Variants in MOB1B observed in about 807,000 individuals in gnomAD.
MOB1B encodes MOB1 Mps One Binder homolog B.
In MOB1B, 19 loss-of-function variants were observed where a neutral mutation model predicts 24.4. That is an observed-to-expected ratio of 0.78 (90% CI 0.54 to 1.14). The LOEUF (loss-of-function observed/expected upper bound fraction) is 1.14. Ranked by LOEUF, MOB1B falls within the 50% of genes most tolerant of loss-of-function variation. MOB1B has a pLI of 0.00. For synonymous variants in MOB1B, 76 were observed against 82.1 expected, an observed-to-expected ratio of 0.93 and a Z score of 0.40; for missense variants, 243 against 259.6, an observed-to-expected ratio of 0.94 and a Z score of 0.44.
intron 1 of MOB1B, among the ~76,000 whole-genome samples, chr4:70,911,453 G>A (rs1678982173): frequency 6.6e-6 from 1 of 151,414 alleles, no homozygotes; most frequent in African/African-American, 2.4e-5. Context: ...TTAATATGTT[G>A]TATTTTTGAG....
chr4:70,957,055 G>A (rs1738088905), intron 1 of MOB1B, among the ~76,000 whole-genome samples: 1 of 150,740 alleles, frequency 6.6e-6, no homozygotes, highest in Non-Finnish European at 1.5e-5. Context: ...AGGAGGTAGA[G>A]TGAAAAGCTT....
chr4:70,963,647 C>CG (rs1401003839), intron 2 of MOB1B, among the ~76,000 whole-genome samples: 1 of 151,576 alleles, frequency 6.6e-6, no homozygotes, highest in Admixed American at 6.6e-5. Context: ...TGGCAAATCT[C>CG]CATCTCTACC....
chr4:70,918,148 TC>T (rs1377527414), intron 1 of MOB1B, among the ~76,000 whole-genome samples: 1 of 152,194 alleles, frequency 6.6e-6, no homozygotes, highest in Non-Finnish European at 1.5e-5. Flanking sequence ...TTACCTTTTT[TC>T]TAGATGTTTT....
chr4:70,916,591 A>G (rs1736205529), intron 1 of MOB1B, among the ~76,000 whole-genome samples: 1 of 151,734 alleles, frequency 6.6e-6, no homozygotes, highest in East Asian at 1.9e-4. Flanking sequence ...TTTTTGAGAC[A>G]GAGTCTTGCT....
At position 70,946,839 on chromosome 4, in the gene MOB1B, G is replaced by A. The variant is rs554849250; in HGVS notation, c.15-12035G>A. Among the ~76,000 whole-genome samples the A allele has an allele frequency of 6.8e-4, 103 of 152,164 alleles. 1 individual carries two copies. Among genetic ancestry groups the A allele is most frequent in the African/African-American group, 2.4e-3 (99 of 41,504 alleles). On this transcript the variant is annotated intron_variant, in intron 1 of 5. Coordinates refer to ENST00000309395, the MANE Select transcript of MOB1B (RefSeq NM_173468.4). ...AAGGGGAAGGAAAAAAAAGGAGGGA[G>A]GGTAGGCAGTGAGGCAAGTGGTTAC...
At chr4:70,913,874 C>T (rs1736096441) in intron 1 of MOB1B, among the ~76,000 whole-genome samples, 1 of 149,512 alleles carries the variant, frequency 6.7e-6, no homozygotes, top group South Asian at 2.1e-4. Flanking sequence ...GTCATTGCTT[C>T]TAAATTTATT....
At chr4:70,904,129 CG>C (rs1735641293) in intron 1 of MOB1B, among the ~76,000 whole-genome samples, 1 of 151,168 alleles carries the variant, frequency 6.6e-6, no homozygotes, top group African/African-American at 2.4e-5. Context: ...ACTACAGGCC[CG>C]CGCCACCACG....
intron 1 of MOB1B, among the ~76,000 whole-genome samples, chr4:70,924,045 A>C (rs1009086374): frequency 6.6e-6 from 1 of 152,090 alleles, no homozygotes; most frequent in Non-Finnish European, 1.5e-5. Flanking sequence ...TTTAGTAGAA[A>C]CAATGGGGGA....
chr4:70,926,111 G>A (rs1249209608), intron 1 of MOB1B, among the ~76,000 whole-genome samples: 5 of 152,042 alleles, frequency 3.3e-5, no homozygotes, highest in Non-Finnish European at 7.4e-5. Flanking sequence ...TCAGCTTCCT[G>A]AGTAGCCGGG....
chr4:70,934,907 A>C (rs1294371622), intron 1 of MOB1B, among the ~76,000 whole-genome samples: 1 of 151,732 alleles, frequency 6.6e-6, no homozygotes, highest in Non-Finnish European at 1.5e-5. Flanking sequence ...TTATAATTAA[A>C]AAAATTATTT....
intron 1 of MOB1B, among the ~76,000 whole-genome samples, chr4:70,917,506 A>C (rs1736240876): frequency 6.6e-6 from 1 of 152,150 alleles, no homozygotes; most frequent in Non-Finnish European, 1.5e-5. Flanking sequence ...CACAGTTCCA[A>C]AAGTATGGAG....
intron 1 of MOB1B, among the ~76,000 whole-genome samples, chr4:70,934,404 A>T: frequency 6.6e-6 from 1 of 151,650 alleles, no homozygotes; most frequent in Non-Finnish European, 1.5e-5. Flanking sequence ...CCAACTTTTC[A>T]ATATATATTA....
intron 1 of MOB1B, among the ~76,000 whole-genome samples, chr4:70,933,542 C>CTTTTT (rs34950388): frequency 7.6e-5 from 7 of 91,616 alleles, no homozygotes; most frequent in Non-Finnish European, 1.1e-4. Flanking sequence ...AAAAATAACT[C>CTTTTT]TTTTTTTTTT....
chr4:70,903,284 A>C (rs1735594740), intron 1 of MOB1B, among the ~76,000 whole-genome samples: 1 of 152,202 alleles, frequency 6.6e-6, no homozygotes, highest in Non-Finnish European at 1.5e-5. Flanking sequence ...GATTAGGTCC[A>C]CTGGGGAGTT....
chr4:70,914,112 C>G (rs1317428699), intron 1 of MOB1B, among the ~76,000 whole-genome samples: 1 of 152,166 alleles, frequency 6.6e-6, no homozygotes, highest in Non-Finnish European at 1.5e-5. Context: ...ATGTTAGCCT[C>G]TTTGCCCTTC....
intron 1 of MOB1B, among the ~76,000 whole-genome samples, chr4:70,909,732 C>CT (rs567783255): frequency 0.03 from 4,365 of 145,404 alleles, 205 homozygotes; most frequent in African/African-American, 0.099. Flanking sequence ...TCTTATACTT[C>CT]TTTTTTTTTT....
At chr4:70,937,992 T>C (rs1293354963) in intron 1 of MOB1B, among the ~76,000 whole-genome samples, 1 of 152,146 alleles carries the variant, frequency 6.6e-6, no homozygotes, top group Admixed American at 6.5e-5. Flanking sequence ...AAGCATTCTT[T>C]TTTTCCTATC....
chr4:70,967,819 T>C (rs1296612788), intron 2 of MOB1B, among the ~76,000 whole-genome samples: 1 of 152,170 alleles, frequency 6.6e-6, no homozygotes, highest in Non-Finnish European at 1.5e-5. Context: ...TTTGTTCTCT[T>C]TTTTTAAAAT....
In MOB1B at chr4:70,987,860, CAAG is replaced by C. The variant is rs564766549; in HGVS notation, c.*5804_*5806del. Reference sequence around the variant, plus strand: ...ATGGAGACAGTTTCTCTCTTATAATCAAGTAACTAGAAGGGGAAAAATCATCTA... The same window carrying C: ...ATGGAGACAGTTTCTCTCTTATAATCTAACTAGAAGGGGAAAAATCATCTA... On this transcript the variant is annotated 3_prime_UTR_variant, in exon 6 of 6. Coordinates refer to ENST00000309395, the MANE Select transcript of MOB1B (RefSeq NM_173468.4). 165 of 152,636 alleles carry C rather than the reference CAAG, an allele frequency of 1.1e-3. 1 individual carries two copies. The highest frequency in any genetic ancestry group is 3.8e-3 in the African/African-American group (159 of 41,548). 9.5% of individuals were successfully genotyped at this position (152,636 alleles called of 1,614,324 possible). A position where few individuals can be genotyped will look rare whatever the true frequency, so the allele number is the denominator to read the frequency against.
Sources: gnomAD v4.1 joint callset for allele counts (sites outside exome capture counted in the v4.1 genomes callset) on GRCh38, gnomAD v4.1.1 for gene constraint, MANE v1.5 for transcripts, NCBI Gene and HGNC (gene_info 2026-07-23, HGNC 2026-07-21) for gene names.